The following PTPRD variants were observed in gnomAD, a reference collection of about 807,000 sequenced individuals.
PTPRD encodes the protein receptor-type tyrosine-protein phosphatase delta.
PTPRD carries 34 observed loss-of-function variants against 214.5 expected under a neutral mutation model. The observed-to-expected ratio is 0.16, with a 90% CI of 0.12 to 0.21. The LOEUF (loss-of-function observed/expected upper bound fraction) is 0.21. PTPRD is among the 10% of genes least tolerant of loss of function. The pLI is 1.00. For synonymous variants in PTPRD, 1,128 were observed against 845.7 expected (o/e 1.33, Z -5.79); for missense variants, 2,545 against 2,398.7 (o/e 1.06, Z -1.27).
At chr9:10,126,773 G>C (rs2154253547) in intron 3 of PTPRD, among the ~76,000 whole-genome samples, 1 of 152,198 alleles carries the variant, frequency 6.6e-6, no homozygotes, top group South Asian at 2.1e-4. Context: ...CTTGAGAACT[G>C]TTCCCTCCAT....
At chr9:9,916,468 T>G (rs924352703) in intron 5 of PTPRD, among the ~76,000 whole-genome samples, 13 of 151,936 alleles carry the variant, frequency 8.6e-5, no homozygotes, top group Non-Finnish European at 1.3e-4. Context: ...GTAAATAAAC[T>G]AAATCCCCAT....
chr9:8,853,326 T>C (rs1178320215), intron 11 of PTPRD, among the ~76,000 whole-genome samples: 1 of 152,196 alleles, frequency 6.6e-6, no homozygotes, highest in Admixed American at 6.5e-5. Context: ...TAATTTCATA[T>C]AATGAACAAT....
intron 2 of PTPRD, among the ~76,000 whole-genome samples, chr9:10,399,487 G>A (rs929867180): frequency 1.3e-5 from 2 of 151,908 alleles, no homozygotes; most frequent in Admixed American, 6.6e-5. Flanking sequence ...ATGTGTTCAG[G>A]CAGTGGTGTA....
chr9:8,596,174 G>T (rs1400746255), intron 14 of PTPRD, among the ~76,000 whole-genome samples: 1 of 151,648 alleles, frequency 6.6e-6, no homozygotes, highest in Non-Finnish European at 1.5e-5. Flanking sequence ...TAAAATACAA[G>T]AAAAAATAAT....
chr9:8,352,616 C>A lies in PTPRD; in HGVS notation c.4662-10638G>T, dbSNP rs116231781. Reference sequence around the variant, plus strand: ...TGTGCAACCTGCTCAGTCCACACAGCAGGCTTGTCATTAGAAATATAAATG... The same window carrying A: ...TGTGCAACCTGCTCAGTCCACACAGAAGGCTTGTCATTAGAAATATAAATG... On this transcript the variant is annotated intron_variant, in intron 39 of 45. Transcript: ENST00000381196. Among the ~76,000 whole-genome samples, 683 of 152,220 alleles carry A rather than the reference C, an allele frequency of 4.5e-3. 9 individuals are homozygous for A. The highest frequency in any genetic ancestry group is 0.016 in the African/African-American group (649 of 41,540).
At chr9:8,444,426 C>T (rs868572356) in intron 34 of PTPRD, among the ~76,000 whole-genome samples, 26 of 152,134 alleles carry the variant, frequency 1.7e-4, no homozygotes, top group African/African-American at 5.5e-4. Context: ...TAACTACATA[C>T]ACAAATTAAT....
At chr9:9,063,750 C>A (rs751712368) in intron 10 of PTPRD, among the ~76,000 whole-genome samples, 37 of 152,080 alleles carry the variant, frequency 2.4e-4, no homozygotes, top group Non-Finnish European at 4.9e-4. Context: ...CACTAGTATG[C>A]GGAAGACTGT....
chr9:9,142,854 G>C (rs182894723), intron 10 of PTPRD, among the ~76,000 whole-genome samples: 11 of 152,192 alleles, frequency 7.2e-5, no homozygotes, highest in Admixed American at 4.6e-4. Flanking sequence ...TGTCCTGGAA[G>C]ATTAATCTAC....
chr9:9,324,827 C>G (rs1405747017), intron 9 of PTPRD, among the ~76,000 whole-genome samples: 2 of 152,150 alleles, frequency 1.3e-5, no homozygotes, highest in African/African-American at 4.8e-5. Flanking sequence ...GGTTTTAGGT[C>G]TAACATGTAA....
At chr9:9,994,994 G>A (rs2154083745) in intron 4 of PTPRD, among the ~76,000 whole-genome samples, 1 of 151,980 alleles carries the variant, frequency 6.6e-6, no homozygotes, top group South Asian at 2.1e-4. Context: ...TTAAAAACAG[G>A]TACATTTACA....
At chr9:8,380,553 C>A (rs2084716762) in intron 37 of PTPRD, among the ~76,000 whole-genome samples, 1 of 152,160 alleles carries the variant, frequency 6.6e-6, no homozygotes, top group African/African-American at 2.4e-5. Flanking sequence ...GTGGAGCTTT[C>A]ATTTTTCTAT....
chr9:9,203,656 C>G (rs1322548985), intron 9 of PTPRD, among the ~76,000 whole-genome samples: 1 of 152,176 alleles, frequency 6.6e-6, no homozygotes, highest in Non-Finnish European at 1.5e-5. Flanking sequence ...TTCTCTCCAT[C>G]TCTGCCACAG....
At chr9:8,496,703 A>T (rs1358105611) in intron 26 of PTPRD, among the ~76,000 whole-genome samples, 1 of 152,214 alleles carries the variant, frequency 6.6e-6, no homozygotes, top group Non-Finnish European at 1.5e-5. Flanking sequence ...TCCTGGAGTC[A>T]GATTTATGAG....
chr9:8,909,631 T>A (rs2098732945), intron 11 of PTPRD, among the ~76,000 whole-genome samples: 1 of 152,120 alleles, frequency 6.6e-6, no homozygotes, highest in Non-Finnish European at 1.5e-5. Context: ...ATTCTACAGC[T>A]AGCATAATAC....
intron 8 of PTPRD, among the ~76,000 whole-genome samples, chr9:9,550,046 T>A (rs1016504739): frequency 6.6e-6 from 1 of 152,048 alleles, no homozygotes; most frequent in Non-Finnish European, 1.5e-5. Flanking sequence ...TTGCTGTGAA[T>A]ATATTTTTAA....
intron 12 of PTPRD, among the ~76,000 whole-genome samples, chr9:8,664,604 G>A (rs1374981205): frequency 6.6e-6 from 1 of 152,124 alleles, no homozygotes; most frequent in Non-Finnish European, 1.5e-5. Flanking sequence ...AGTGAGCAGA[G>A]ACCACCAGCT....
intron 14 of PTPRD, among the ~76,000 whole-genome samples, chr9:8,551,047 A>C (rs2140757338): frequency 6.6e-6 from 1 of 152,316 alleles, no homozygotes; most frequent in South Asian, 2.1e-4. Flanking sequence ...ATAATGGCAA[A>C]TCCCTATGAA....
At chr9:8,570,719 TA>T (rs2090875082) in intron 14 of PTPRD, among the ~76,000 whole-genome samples, 3 of 152,250 alleles carry the variant, frequency 2.0e-5, no homozygotes, top group South Asian at 2.1e-4. Context: ...GATCTGCTCT[TA>T]AAATATCTGT....
chr9:9,254,521 A>T (rs576298433), intron 9 of PTPRD, among the ~76,000 whole-genome samples: 2 of 152,186 alleles, frequency 1.3e-5, no homozygotes, highest in African/African-American at 4.8e-5. Flanking sequence ...AACATGAAGG[A>T]TGGTTATAAC....
Sources: allele counts gnomAD v4.1 joint callset (sites outside exome capture counted in the v4.1 genomes callset), GRCh38; gene constraint gnomAD v4.1.1; transcripts MANE v1.5; gene names NCBI Gene and HGNC (gene_info 2026-07-23, HGNC 2026-07-21).